The following NBEA variants were observed in gnomAD, a reference collection of about 807,000 sequenced individuals.
The protein encoded by NBEA is lysosomal-trafficking regulator 2.
A neutral mutation model predicts 343.4 loss-of-function variants in NBEA; 44 were observed. The observed-to-expected ratio is 0.13, with a 90% CI of 0.10 to 0.16. NBEA has a LOEUF of 0.16. Ranked by LOEUF, NBEA falls within the 10% of genes least tolerant of loss-of-function variation. The pLI is 1.00. For synonymous variants in NBEA, 1,175 were observed against 1,238.7 expected, an observed-to-expected ratio of 0.95 and a Z score of 1.08; for missense variants, 2,555 against 3,631.3, an observed-to-expected ratio of 0.70 and a Z score of 7.62.
intron 36 of NBEA, among the ~76,000 whole-genome samples, chr13:35,326,976 A>G (rs971508082): frequency 6.6e-6 from 1 of 152,082 alleles, no homozygotes; most frequent in African/African-American, 2.4e-5. Flanking sequence ...GGCAAGATAC[A>G]TGAACAAACA....
chr13:35,142,722 A>ACT (rs1414108012), intron 18 of NBEA, among the ~76,000 whole-genome samples: 5 of 150,186 alleles, frequency 3.3e-5, no homozygotes, highest in African/African-American at 1.2e-4. Context: ...TCTCGTTCCT[A>ACT]CTCTCTCTCT....
chr13:35,496,404 G>A (rs1350918256), intron 41 of NBEA, among the ~76,000 whole-genome samples: 4 of 151,876 alleles, frequency 2.6e-5, no homozygotes, highest in Non-Finnish European at 5.9e-5. Flanking sequence ...ATTGGCTGAG[G>A]CAGGAGGTTA....
chr13:35,509,529 G>T (rs2077195667), intron 41 of NBEA, among the ~76,000 whole-genome samples: 1 of 152,214 alleles, frequency 6.6e-6, no homozygotes, highest in Admixed American at 6.5e-5. Flanking sequence ...AGCCCAGTCT[G>T]CTAGGCCAGA....
chr13:35,198,749 A>G (rs1447233802), intron 31 of NBEA, among the ~76,000 whole-genome samples: 2 of 151,934 alleles, frequency 1.3e-5, no homozygotes, highest in Non-Finnish European at 1.5e-5. Context: ...TGATGAGGTG[A>G]TATTGATGAA....
At position 35,475,923 on chromosome 13, in the gene NBEA, G is replaced by A. The variant is rs750513281; in HGVS notation, c.6585+3387G>A. On this transcript the variant is annotated intron_variant, in intron 41 of 58. Transcript: ENST00000379939. The stretch of plus-strand genomic sequence containing the variant: ...TGAGATAAAGCACCACTTCAAATTC[G>A]GTGGGGGAGATGACCTCGAGGCCCT... The A allele has an allele frequency of 3.1e-6, 5 of 1,614,052 alleles. No homozygotes were observed. The African/African-American group carries it at 5.3e-5, about 17-fold the overall frequency.
intron 33 of NBEA, among the ~76,000 whole-genome samples, chr13:35,225,609 G>A (rs929532624): frequency 6.6e-5 from 10 of 152,118 alleles, no homozygotes; most frequent in South Asian, 2.1e-4. Flanking sequence ...CGTTGCAAAC[G>A]CCCCTTGTGT....
intron 38 of NBEA, among the ~76,000 whole-genome samples, chr13:35,373,261 C>T (rs1471641954): frequency 3.9e-5 from 6 of 152,114 alleles, no homozygotes; most frequent in Admixed American, 6.6e-5. Flanking sequence ...TGATTATCTA[C>T]CTGCTATTTT....
At chr13:35,164,177 A>G (rs563684599) in intron 23 of NBEA, among the ~76,000 whole-genome samples, 179 bp from the exon 24 acceptor site, 54 of 152,276 alleles carry the variant, frequency 3.5e-4, no homozygotes, top group African/African-American at 1.2e-3. Context: ...AATCCTGTGG[A>G]GATGAATGCT....
At chr13:35,418,212 T>C (rs985480786) in intron 38 of NBEA, among the ~76,000 whole-genome samples, 1 of 152,156 alleles carries the variant, frequency 6.6e-6, no homozygotes, top group Non-Finnish European at 1.5e-5. Flanking sequence ...AGTCTGTGTC[T>C]TTTAATTGGA....
chr13:35,386,280 C>T (rs2042239930), intron 38 of NBEA, among the ~76,000 whole-genome samples: 1 of 152,010 alleles, frequency 6.6e-6, no homozygotes, highest in African/African-American at 2.4e-5. Context: ...TTAAACTCTC[C>T]AGTACATTAT....
chr13:35,287,537 C>G (rs1256407361), intron 34 of NBEA, among the ~76,000 whole-genome samples: 2 of 152,056 alleles, frequency 1.3e-5, no homozygotes, highest in Admixed American at 1.3e-4. Flanking sequence ...ATCCATCCCC[C>G]AAGCTATAAA....
chr13:35,576,192 C>A (rs1201861452), intron 45 of NBEA, among the ~76,000 whole-genome samples: 5 of 151,206 alleles, frequency 3.3e-5, no homozygotes, highest in Non-Finnish European at 5.9e-5. Context: ...TCTTGGCTCA[C>A]TACAACTTCC....
chr13:35,061,590 A>G (rs1175296916), intron 8 of NBEA, among the ~76,000 whole-genome samples: 2 of 151,738 alleles, frequency 1.3e-5, no homozygotes, highest in African/African-American at 4.8e-5. Flanking sequence ...TCATTGCCAG[A>G]TATTTGAAAA....
intron 33 of NBEA, among the ~76,000 whole-genome samples, chr13:35,220,807 G>T (rs2074319347): frequency 6.6e-6 from 1 of 152,056 alleles, no homozygotes; most frequent in African/African-American, 2.4e-5. Context: ...TTCAGGTATT[G>T]CTTCTGACCC....
At chr13:35,547,327 A>C (rs978986625) in intron 41 of NBEA, among the ~76,000 whole-genome samples, 10 of 152,180 alleles carry the variant, frequency 6.6e-5, no homozygotes, top group Non-Finnish European at 1.3e-4. Flanking sequence ...TAATTTTGTT[A>C]TCTCTCCTTG....
At chr13:35,120,776 T>C (rs1244094269) in intron 16 of NBEA, among the ~76,000 whole-genome samples, 1 of 129,416 alleles carries the variant, frequency 7.7e-6, no homozygotes, top group African/African-American at 4.0e-5. Context: ...ACCTCTCTTA[T>C]ATAGCTTAGA....
intron 1 of NBEA, among the ~76,000 whole-genome samples, chr13:35,027,723 C>A (rs1566181387): frequency 6.6e-6 from 1 of 151,848 alleles, no homozygotes. Flanking sequence ...ATGGATCCTG[C>A]TTTTGGGGTC....
intron 34 of NBEA, among the ~76,000 whole-genome samples, chr13:35,282,348 A>G (rs542748506): frequency 2.0e-5 from 3 of 152,312 alleles, no homozygotes; most frequent in East Asian, 1.9e-4. Flanking sequence ...TGATGTGTAC[A>G]TGGTTAAAAC....
At chr13:35,623,142 G>A (rs943134287) in intron 48 of NBEA, among the ~76,000 whole-genome samples, 3 of 152,162 alleles carry the variant, frequency 2.0e-5, no homozygotes, top group African/African-American at 7.2e-5. Context: ...AAGCTATTAA[G>A]ACCATTATGA....
Sources: gnomAD v4.1 joint callset for allele counts (sites outside exome capture counted in the v4.1 genomes callset) on GRCh38, gnomAD v4.1.1 for gene constraint, MANE v1.5 for transcripts, NCBI Gene and HGNC (gene_info 2026-07-23, HGNC 2026-07-21) for gene names.